MBP: variants seen among roughly 807,000 people sequenced by gnomAD.
MBP encodes myelin basic protein, also known as Golli-MBP.
MBP carries 16 observed loss-of-function variants against 35.8 expected under a neutral mutation model. That is an observed-to-expected ratio of 0.45 (90% CI 0.30 to 0.68). The LOEUF is 0.68. MBP is among the 30% of genes least tolerant of loss of function. The pLI, the probability that MBP is intolerant of heterozygous loss-of-function variation, is 0.08. For missense variants in MBP, 380 were observed against 404.7 expected (o/e 0.94, Z 0.52); for synonymous variants, 143 against 159.6 (o/e 0.90, Z 0.78).
At chr18:77,045,766 G>A (rs998768015) in intron 3 of MBP, among the ~76,000 whole-genome samples, 10 of 152,150 alleles carry the variant, frequency 6.6e-5, no homozygotes, top group Admixed American at 1.3e-4. Flanking sequence ...AAACAGCACC[G>A]ATTAACAGTG....
At chr18:77,002,036 A>T (rs1365488611) in intron 4 of MBP, among the ~76,000 whole-genome samples, 1 of 152,176 alleles carries the variant, frequency 6.6e-6, no homozygotes, top group Non-Finnish European at 1.5e-5. Context: ...TGTATTGATT[A>T]TGTGCCAGTT....
At chr18:77,098,958 TC>T (rs919141788) in intron 2 of MBP, among the ~76,000 whole-genome samples, 4 of 149,718 alleles carry the variant, frequency 2.7e-5, no homozygotes, top group East Asian at 2.0e-4. Context: ...CACTCCTCCT[TC>T]CCCCTCCCTC....
At chr18:77,112,165 A>ACACGCG (rs952320880) in intron 1 of MBP, among the ~76,000 whole-genome samples, 17 of 70,520 alleles carry the variant, frequency 2.4e-4, no homozygotes, top group Middle Eastern at 8.6e-3. Flanking sequence ...AACACCGTGC[A>ACACGCG]CACGCACACA....
intron 1 of MBP, among the ~76,000 whole-genome samples, chr18:77,110,694 T>C (rs1254471862): frequency 2.0e-5 from 3 of 152,226 alleles, no homozygotes; most frequent in Non-Finnish European, 4.4e-5. Context: ...TAAGTGTGTA[T>C]GGAACTTTTG....
At chr18:77,015,448 A>T in intron 4 of MBP, 1 of 985,468 alleles carries the variant, frequency 1.0e-6, no homozygotes, top group Non-Finnish European at 1.2e-6. Context: ...TAGCATTAGA[A>T]ATCGGTTAGA....
rs1391964075 is a variant in MBP, at chr18:77,028,652, C to T, written c.140-11384G>A. On this transcript the variant is annotated intron_variant, in intron 3 of 8. Coordinates refer to ENST00000355994, the MANE Select transcript of MBP (RefSeq NM_001025101.2). ...CCCCCCACCTCCCTCCCGGACGGGG[C>T]AGCTGGCTGGGCAGAGGGGCTCCTC... is the stretch of plus-strand genomic sequence containing the variant. Among the ~76,000 whole-genome samples, 12 of 60,080 alleles carry T rather than the reference C, an allele frequency of 2.0e-4. 1 individual carries two copies. The highest frequency in any genetic ancestry group is 1.3e-3 in the East Asian group (2 of 1,574). 39.4% of individuals were successfully genotyped at this position (60,080 alleles called of 152,430 possible).
In MBP at chr18:77,016,613, A is replaced by T. The variant is rs117900820; in HGVS notation, c.576+219T>A. 32,824 of 1,408,076 alleles carry T rather than the reference A, an allele frequency of 0.023. 441 individuals are homozygous for T. Among genetic ancestry groups the T allele is most frequent in the Non-Finnish European group, 0.027 (28,906 of 1,083,178 alleles). The allele number at this position is 1,408,076 out of a possible 1,614,324, so 87.2% of individuals were successfully genotyped here. A position where few individuals can be genotyped will look rare whatever the true frequency, so the allele number is the denominator to read the frequency against. On this transcript the variant is annotated intron_variant, in intron 4 of 8. Coordinates refer to ENST00000355994, the MANE Select transcript of MBP (RefSeq NM_001025101.2). ...ATTCCTGAGCCACACCCCGGCCACC[A>T]TCCCTTGTGAGGAAAAGAGGGGGTG...
intron 4 of MBP, chr18:77,015,662 CG>C: frequency 1.0e-6 from 1 of 985,252 alleles, no homozygotes; most frequent in South Asian, 4.7e-5. Flanking sequence ...CCTGAAACTT[CG>C]ATGTGCTTTC....
chr18:77,089,318 C>A (rs927117605), intron 2 of MBP, among the ~76,000 whole-genome samples: 1 of 152,250 alleles, frequency 6.6e-6, no homozygotes, highest in Admixed American at 6.5e-5. Context: ...ATTTCCATGG[C>A]CCCAGGGCAG....
At chr18:76,997,240 G>C (rs1456325145) in intron 4 of MBP, among the ~76,000 whole-genome samples, 1 of 152,206 alleles carries the variant, frequency 6.6e-6, no homozygotes, top group Non-Finnish European at 1.5e-5. Context: ...TCACAAGGTG[G>C]AGCTCAGCAA....
chr18:77,064,396 C>T (rs1974105013), intron 3 of MBP, among the ~76,000 whole-genome samples: 1 of 152,128 alleles, frequency 6.6e-6, no homozygotes, highest in Admixed American at 6.6e-5. Context: ...CTCAGACATG[C>T]CTCCAAGAAA....
intron 4 of MBP, chr18:77,010,215 C>G (rs1971267334): frequency 2.2e-6 from 1 of 462,358 alleles, no homozygotes; most frequent in South Asian, 2.5e-5. Flanking sequence ...ATTCTCTCCT[C>G]CAAAGTCTAT....
intron 2 of MBP, among the ~76,000 whole-genome samples, chr18:77,089,183 G>T (rs369862700): frequency 6.6e-6 from 1 of 152,250 alleles, no homozygotes; most frequent in Non-Finnish European, 1.5e-5. Context: ...CACAGCCCCT[G>T]GGTGTTCATT....
At chr18:77,099,319 G>T (rs2145091213) in intron 2 of MBP, among the ~76,000 whole-genome samples, 1 of 152,266 alleles carries the variant, frequency 6.6e-6, no homozygotes, top group Non-Finnish European at 1.5e-5. Context: ...AGCCACGTGT[G>T]GCCACCTAGC....
chr18:77,128,636 T>C (rs1464996709), intron 1 of MBP, among the ~76,000 whole-genome samples: 1 of 152,236 alleles, frequency 6.6e-6, no homozygotes, highest in Non-Finnish European at 1.5e-5. Flanking sequence ...GCTCATTTTC[T>C]AGTTGTGGCA....
At chr18:77,032,283 G>A (rs1048503005) in intron 3 of MBP, among the ~76,000 whole-genome samples, 1 of 152,234 alleles carries the variant, frequency 6.6e-6, no homozygotes, top group Non-Finnish European at 1.5e-5. Flanking sequence ...GGTGTGGCCT[G>A]TGGATTTGCG....
At chr18:77,126,983 A>G (rs915600142) in intron 1 of MBP, among the ~76,000 whole-genome samples, 1 of 152,240 alleles carries the variant, frequency 6.6e-6, no homozygotes, top group Non-Finnish European at 1.5e-5. Context: ...CATTTGAAGA[A>G]ATTCCTATCA....
chr18:76,995,745 C>T (rs193118155), intron 4 of MBP, among the ~76,000 whole-genome samples: 2 of 152,176 alleles, frequency 1.3e-5, no homozygotes, highest in South Asian at 2.1e-4. Flanking sequence ...TTAGAAGCAG[C>T]CATAGGAGAA....
At chr18:77,042,140 C>CT (rs11370657) in intron 3 of MBP, among the ~76,000 whole-genome samples, 5,786 of 152,214 alleles carry the variant, frequency 0.038, 368 homozygotes, top group African/African-American at 0.13. Flanking sequence ...TTTCTCTGAC[C>CT]TTTTTTGGAA....
Sources: allele counts gnomAD v4.1 joint callset (sites outside exome capture counted in the v4.1 genomes callset), GRCh38; gene constraint gnomAD v4.1.1; transcripts MANE v1.5; gene names NCBI Gene and HGNC (gene_info 2026-07-23, HGNC 2026-07-21).